The following ATP2B4 variants were observed in gnomAD, a reference collection of about 807,000 sequenced individuals.
The protein encoded by ATP2B4 is plasma membrane calcium-transporting ATPase 4.
ATP2B4 carries 39 observed loss-of-function variants against 110.3 expected under a neutral mutation model. The ratio of observed to expected loss-of-function variants is 0.35; its 90% CI spans 0.27 to 0.46. The LOEUF is 0.46. ATP2B4 is among the 20% of genes least tolerant of loss of function. The probability of loss-of-function intolerance (pLI) is 1.00; values close to 1 mark genes in which losing one functional copy is unlikely to be tolerated. For synonymous variants in ATP2B4, 538 were observed against 571.7 expected (o/e 0.94, Z 0.84); for missense variants, 1,135 against 1,530.9 (o/e 0.74, Z 4.32).
chr1:203,731,732 C>T (rs1177048852), intron 20 of ATP2B4, among the ~76,000 whole-genome samples: 1 of 150,340 alleles, frequency 6.7e-6, no homozygotes, highest in Admixed American at 6.6e-5. Context: ...TACGTGTAGT[C>T]CCTGCTACTC....
In ATP2B4 at chr1:203,708,095, C is replaced by G. The variant is rs1342194165; in HGVS notation, c.1548C>G (p.Ser516=). Residue 516 remains serine, a synonymous_variant, in exon 10 of 21, where the codon TCC becomes TCG. Coordinates refer to ENST00000357681, the MANE Select transcript of ATP2B4 (RefSeq NM_001684.5). ...TTTCTATCAACAGTGCTTATACCTC[C>G]AAGATTCTGGTAAGCATTTCCTTTG... The part of the protein sequence containing the change: ...NGISINSAYT[S]KILPPEKEGG... The G allele has an allele frequency of 6.2e-7, 1 of 1,614,048 alleles. No individual in the cohort carries two copies. The highest frequency in any genetic ancestry group is 1.3e-5 in the African/African-American group (1 of 74,938).
intron 11 of ATP2B4, among the ~76,000 whole-genome samples, chr1:203,709,757 C>T (rs1287523067): frequency 1.3e-5 from 2 of 152,182 alleles, no homozygotes; most frequent in Non-Finnish European, 2.9e-5. Context: ...AAGGTGGGTA[C>T]TATGATTATC....
chr1:203,721,950 C>G (rs1666350960), intron 17 of ATP2B4, among the ~76,000 whole-genome samples: 1 of 152,044 alleles, frequency 6.6e-6, no homozygotes, highest in African/African-American at 2.4e-5. Context: ...CATGAGCCAC[C>G]ACGCCTGGCT....
chr1:203,721,441 G>A (rs374846307), intron 17 of ATP2B4, 31 bp downstream of exon 17: 211 of 1,605,834 alleles, frequency 1.3e-4, no homozygotes, highest in Non-Finnish European at 1.8e-4. Context: ...GTAGCAGCTG[G>A]GGTCCTGGTT....
chr1:203,666,776 C>G (rs1664516616), intron 1 of ATP2B4, among the ~76,000 whole-genome samples: 1 of 152,204 alleles, frequency 6.6e-6, no homozygotes, highest in African/African-American at 2.4e-5. Context: ...GCTCTTGAAA[C>G]TATTCCCTTA....
Position 203,720,543 on chromosome 1 carries a change from C to T in ATP2B4, c.2407-6C>T. Reference sequence around the variant, plus strand: ...CCTCACTGTTTTCCCTCCCATCTTACCTCAGGGCATCGCAGGCACAGATGT... The same window carrying T: ...CCTCACTGTTTTCCCTCCCATCTTATCTCAGGGCATCGCAGGCACAGATGT... On this transcript the variant is annotated splice_region_variant and splice_polypyrimidine_tract_variant and intron_variant, in intron 15 of 20. Coordinates refer to ENST00000357681, the MANE Select transcript of ATP2B4 (RefSeq NM_001684.5). The T allele has an allele frequency of 2.5e-6, 4 of 1,596,786 alleles. No homozygotes were observed. The highest frequency in any genetic ancestry group is 3.4e-6 in the Non-Finnish European group (4 of 1,170,802).
At chr1:203,724,590 C>A (rs1187384561) in intron 19 of ATP2B4, among the ~76,000 whole-genome samples, 1 of 148,344 alleles carries the variant, frequency 6.7e-6, no homozygotes, top group Non-Finnish European at 1.5e-5. Flanking sequence ...AATTTTGCTA[C>A]AAAAAAAAAA....
chr1:203,642,926 G>A (rs1010250653), intron 1 of ATP2B4, among the ~76,000 whole-genome samples: 3 of 152,264 alleles, frequency 2.0e-5, no homozygotes, highest in African/African-American at 7.2e-5. Flanking sequence ...GGTAGTCATC[G>A]AATTTTAATT....
At chr1:203,631,794 G>C (rs1558007068) in intron 1 of ATP2B4, among the ~76,000 whole-genome samples, 1 of 152,128 alleles carries the variant, frequency 6.6e-6, no homozygotes, top group African/African-American at 2.4e-5. Flanking sequence ...ATTTTTGTTT[G>C]TTTGTTTGTT....
intron 2 of ATP2B4, among the ~76,000 whole-genome samples, chr1:203,690,061 G>A (rs150954068): frequency 1.6e-3 from 240 of 152,326 alleles, no homozygotes; most frequent in African/African-American, 5.3e-3. Context: ...TCCTTGGGGA[G>A]TAAGTGGCAG....
chr1:203,692,874 ACCT>A (rs1665426226), intron 2 of ATP2B4, among the ~76,000 whole-genome samples: 1 of 151,958 alleles, frequency 6.6e-6, no homozygotes, highest in Non-Finnish European at 1.5e-5. Context: ...GGGGCCGTGC[ACCT>A]CCCCAGCATG....
chr1:203,681,691 G>A (rs961551693), intron 1 of ATP2B4, among the ~76,000 whole-genome samples: 5 of 152,088 alleles, frequency 3.3e-5, no homozygotes, highest in South Asian at 4.1e-4. Context: ...GTTAGCATGC[G>A]TGAGAGGTAA....
chr1:203,640,063 C>T (rs1204862797), intron 1 of ATP2B4, among the ~76,000 whole-genome samples: 1 of 152,178 alleles, frequency 6.6e-6, no homozygotes, highest in East Asian at 1.9e-4. Flanking sequence ...TCATTACTTA[C>T]CCCATAGAGT....
chr1:203,703,806 G>A lies in ATP2B4; in HGVS notation c.1092G>A (p.Gly364=), dbSNP rs201495785. 117 of 1,613,808 alleles carry A rather than the reference G, an allele frequency of 7.2e-5. No homozygotes were observed. Among genetic ancestry groups the A allele is most frequent in the Admixed American group, 2.3e-4 (14 of 59,992 alleles). ...GKLTRLAVQI[G]KAGLLMSALT... ...TGACTCGCCTGGCTGTTCAGATTGG[G>A]AAAGCCGGTGAGTAGGGTAGAGCCT... The change falls in exon 8 of 21, where the codon GGG becomes GGA. Residue 364 remains glycine, a synonymous_variant. Coordinates refer to ENST00000357681, the MANE Select transcript of ATP2B4 (RefSeq NM_001684.5).
intron 1 of ATP2B4, among the ~76,000 whole-genome samples, chr1:203,656,703 T>C (rs570949573): frequency 6.6e-6 from 1 of 152,330 alleles, no homozygotes; most frequent in Non-Finnish European, 1.5e-5. Flanking sequence ...TTTCAGGAAA[T>C]TGCTGAATAC....
intron 1 of ATP2B4, 61 bp from the exon 2 acceptor site, chr1:203,682,681 G>A (rs1325458572): frequency 6.5e-6 from 1 of 152,786 alleles, no homozygotes; most frequent in African/African-American, 2.4e-5. Flanking sequence ...CCTTGCAGAT[G>A]CTGGATACTT....
intron 2 of ATP2B4, among the ~76,000 whole-genome samples, chr1:203,689,819 C>A (rs147968350): frequency 3.7e-4 from 56 of 152,276 alleles, no homozygotes; most frequent in Middle Eastern, 3.4e-3. Context: ...GGAAGAGCAG[C>A]GTCTATGGGA....
At chr1:203,714,938 T>C (rs11806769) in intron 15 of ATP2B4, among the ~76,000 whole-genome samples, 13,839 of 152,098 alleles carry the variant, frequency 0.091, 1,699 homozygotes, top group East Asian at 0.31. Flanking sequence ...AAGGGTTTTA[T>C]TCTAGGAAAT....
At chr1:203,699,411 A>G in intron 3 of ATP2B4, 49 bp from the exon 4 acceptor site, 1 of 1,603,112 alleles carries the variant, frequency 6.2e-7, no homozygotes, top group Non-Finnish European at 8.5e-7. Context: ...CTATTTCTTA[A>G]TGTCAACAAA....
Sources: gnomAD v4.1 joint callset for allele counts (sites outside exome capture counted in the v4.1 genomes callset) on GRCh38, gnomAD v4.1.1 for gene constraint, MANE v1.5 for transcripts, NCBI Gene and HGNC (gene_info 2026-07-23, HGNC 2026-07-21) for gene names.